LCOR: variants seen among roughly 807,000 people sequenced by gnomAD.
LCOR encodes the protein ligand-dependent corepressor.
In LCOR, 14 loss-of-function variants were observed where a neutral mutation model predicts 64.4. The ratio of observed to expected loss-of-function variants is 0.22; its 90% CI spans 0.14 to 0.34. The LOEUF (loss-of-function observed/expected upper bound fraction) is 0.34. Ranked by LOEUF, LCOR falls within the 10% of genes least tolerant of loss-of-function variation. LCOR has a pLI of 1.00. For synonymous variants in LCOR, 643 were observed against 642.5 expected (o/e 1.00, Z -0.01); for missense variants, 1,686 against 1,765.3 (o/e 0.96, Z 0.80).
intron 7 of LCOR, chr10:96,958,906 T>TAAAAAAAAAAAAAAA (rs74784568): frequency 1.9e-5 from 2 of 103,884 alleles, no homozygotes; most frequent in Non-Finnish European, 4.3e-5. Flanking sequence ...AAGAAAAACT[T>TAAAAAAAAAAAAAAA]AAAAAAAAAA....
chr10:96,955,221 G>C (rs781713059), intron 7 of LCOR: 1 of 1,614,118 alleles, frequency 6.2e-7, no homozygotes. Flanking sequence ...ACCACATTAC[G>C]AGTTCAACCT....
rs144079052 is a variant in LCOR at position 96,956,805 on chromosome 10, T to C, written c.332+4609T>C. The C allele has an allele frequency of 2.5e-5, 25 of 985,824 alleles. No individual in the cohort carries two copies. In the East Asian group the frequency reaches 9.1e-4, roughly 36 times the overall value. 61.1% of individuals were successfully genotyped at this position (985,824 alleles called of 1,614,324 possible). A position where few individuals can be genotyped will look rare whatever the true frequency, so the allele number is the denominator to read the frequency against. ...TGGAGGATGCCTCATTTTAGCAAACTAGGTTTCTTTGTATTCTTCAGTCCT... is the reference window on the plus strand; with the variant it reads ...TGGAGGATGCCTCATTTTAGCAAACCAGGTTTCTTTGTATTCTTCAGTCCT... On this transcript the variant is annotated intron_variant, in intron 7 of 7. Coordinates refer to ENST00000421806, the MANE Select transcript of LCOR (RefSeq NM_001346516.2).
intron 7 of LCOR, chr10:96,955,319 G>A: frequency 2.5e-6 from 4 of 1,613,972 alleles, no homozygotes; most frequent in Non-Finnish European, 3.4e-6. Flanking sequence ...TTCCAAAAAT[G>A]GCACTTCAAG....
At chr10:96,900,866 CTTTT>C (rs139940073) in intron 2 of LCOR, among the ~76,000 whole-genome samples, 3 of 141,338 alleles carry the variant, frequency 2.1e-5, no homozygotes, top group African/African-American at 7.8e-5. Context: ...GCTTCGTAGG[CTTTT>C]TTTTTTTTTT....
At chr10:96,970,957 A>G (rs546718188) in intron 7 of LCOR, among the ~76,000 whole-genome samples, 2 of 152,282 alleles carry the variant, frequency 1.3e-5, no homozygotes, top group African/African-American at 4.8e-5. Context: ...ATCAGAGTAC[A>G]TAGGATTATA....
chr10:96,900,028 T>G (rs1419997611), intron 2 of LCOR, among the ~76,000 whole-genome samples: 6 of 152,166 alleles, frequency 3.9e-5, no homozygotes, highest in Non-Finnish European at 7.4e-5. Flanking sequence ...CATCTAATTT[T>G]AGAATATTTC....
At chr10:96,943,786 G>T (rs1847540098) in intron 4 of LCOR, among the ~76,000 whole-genome samples, 1 of 148,600 alleles carries the variant, frequency 6.7e-6, no homozygotes, top group Non-Finnish European at 1.5e-5. Flanking sequence ...GAATTGAGTT[G>T]CCTGTGAAAA....
chr10:96,888,520 A>G lies in LCOR; in HGVS notation c.-329-18745A>G, dbSNP rs149281511. Among the ~76,000 whole-genome samples, 1,170 of 152,148 alleles carry G rather than the reference A, an allele frequency of 7.7e-3. 6 individuals carry two copies. The highest frequency in any genetic ancestry group is 0.014 in the Non-Finnish European group (926 of 67,996). The stretch of plus-strand genomic sequence containing the variant: ...GATAGGATCAGTAGTGATATTAACA[A>G]ATGTAATTTTTTTTTGGTGTTACAT... On this transcript the variant is annotated intron_variant, in intron 2 of 7. Coordinates refer to ENST00000421806, the MANE Select transcript of LCOR (RefSeq NM_001346516.2).
At chr10:96,843,364 C>CTCAAG (rs1845574542) in intron 2 of LCOR, among the ~76,000 whole-genome samples, 1 of 151,912 alleles carries the variant, frequency 6.6e-6, no homozygotes, top group Non-Finnish European at 1.5e-5. Context: ...ATCCCCTGGC[C>CTCAAG]TCAAGTGGTC....
In LCOR at chr10:96,907,787, T is replaced by G. The variant is rs1274207449; in HGVS notation, c.-184+40T>G. On this transcript the variant is annotated intron_variant, in intron 4 of 7. Coordinates refer to ENST00000421806, the MANE Select transcript of LCOR (RefSeq NM_001346516.2). Reference sequence around the variant, plus strand: ...TGTGAAACTTTTATTTAGTGTAGTATTTTAAAGTTTTCATCTTTTAAAACA... The same window carrying G: ...TGTGAAACTTTTATTTAGTGTAGTAGTTTAAAGTTTTCATCTTTTAAAACA... The G allele has an allele frequency of 4.5e-6, 3 of 669,362 alleles. No homozygotes were observed. The East Asian group carries it at 4.0e-4, about 90-fold the overall frequency. The allele number at this position is 669,362 out of a possible 1,614,324, so 41.5% of individuals were successfully genotyped here. A position where few individuals can be genotyped will look rare whatever the true frequency, so the allele number is the denominator to read the frequency against.
chr10:96,932,362 C>A (rs1342859368), intron 4 of LCOR, among the ~76,000 whole-genome samples: 1 of 152,032 alleles, frequency 6.6e-6, no homozygotes, highest in Non-Finnish European at 1.5e-5. Context: ...AAGGAAAAAA[C>A]TATATAAGAA....
chr10:96,951,164 T>C lies in LCOR; in HGVS notation c.239-939T>C, dbSNP rs1455934321. Reference sequence around the variant, plus strand: ...TTAAAGACATTGTGTATTATCTTGTTCTGTTAATTTTGGACAGAGTGGTAG... The same window carrying C: ...TTAAAGACATTGTGTATTATCTTGTCCTGTTAATTTTGGACAGAGTGGTAG... On this transcript the variant is annotated intron_variant, in intron 6 of 7. Coordinates refer to ENST00000421806, the MANE Select transcript of LCOR (RefSeq NM_001346516.2). 2.0e-5 allele frequency among the ~76,000 whole-genome samples: 3 copies of C among 152,172 alleles called. No homozygotes were observed. The East Asian group carries it at 5.8e-4, about 29-fold the overall frequency.
At chr10:96,855,687 C>G (rs1438262722) in intron 2 of LCOR, among the ~76,000 whole-genome samples, 1 of 152,016 alleles carries the variant, frequency 6.6e-6, no homozygotes, top group African/African-American at 2.4e-5. Context: ...CCACCTGCCT[C>G]GGCCTCCCAA....
rs776243107 is a variant in LCOR at position 96,984,842 on chromosome 10, A to G, written c.4382A>G (p.Lys1461Arg). ...AAAGAGAATAAAGTGAAGATCCCTA[A>G]AAAGTCCGCTGGGAAGAGCTGCCCT... ...SLKENKVKIP[K>R]KSAGKSCPPS... Residue 1461 changes from lysine to arginine, a missense_variant, in exon 8 of 8, where the codon AAA becomes AGA. By Grantham distance (26) the Lys-to-Arg change is conservative. Transcript: ENST00000421806. 1.2e-6 allele frequency: 2 copies of G among 1,614,170 alleles called. No homozygotes were observed. Among genetic ancestry groups the G allele is most frequent in the South Asian group, 1.1e-5 (1 of 91,082 alleles).
intron 7 of LCOR, among the ~76,000 whole-genome samples, chr10:96,967,582 A>G (rs1264194178): frequency 1.3e-5 from 2 of 152,154 alleles, no homozygotes; most frequent in South Asian, 2.1e-4. Flanking sequence ...AGAAAATGTC[A>G]TTTTCTATTA....
chr10:96,993,576 T>C lies in LCOR; in HGVS notation c.*8442T>C, dbSNP rs1306330996. On this transcript the variant is annotated 3_prime_UTR_variant, in exon 8 of 8. Transcript: ENST00000421806. ...ATGTTCTGAGTGATGTTGGTTTGCATTGTAGTATTATAGAATATATTTTGA... is the reference window on the plus strand; with the variant it reads ...ATGTTCTGAGTGATGTTGGTTTGCACTGTAGTATTATAGAATATATTTTGA... 3.3e-5 allele frequency: 5 copies of C among 152,018 alleles called. No individual in the cohort carries two copies. The highest frequency in any genetic ancestry group is 2.1e-4 in the South Asian group (1 of 4,834). The allele number at this position is 152,018 out of a possible 1,614,324, so 9.4% of individuals were successfully genotyped here.
chr10:96,924,814 C>G (rs1847140207), intron 4 of LCOR, among the ~76,000 whole-genome samples: 1 of 152,068 alleles, frequency 6.6e-6, no homozygotes, highest in South Asian at 2.1e-4. Context: ...ATCCTAAGAA[C>G]AAGGATATCT....
chr10:96,877,773 A>G (rs1024526441), intron 2 of LCOR, among the ~76,000 whole-genome samples: 5 of 151,752 alleles, frequency 3.3e-5, no homozygotes, highest in African/African-American at 7.3e-5. Flanking sequence ...CACCATGCCC[A>G]GCTAATTTTT....
rs1431383884 is a variant in LCOR at position 96,981,108 on chromosome 10, A to G, written c.648A>G (p.Leu216=). 3 of 703,298 alleles carry G rather than the reference A, an allele frequency of 4.3e-6. No individual in the cohort carries two copies. The highest frequency in any genetic ancestry group is 2.7e-5 in the East Asian group (1 of 37,300). The allele number at this position is 703,298 out of a possible 1,614,324, so 43.6% of individuals were successfully genotyped here. Residue 216 remains leucine (L), a synonymous_variant, in exon 8 of 8, where the codon CTA becomes CTG. Coordinates refer to ENST00000421806, the MANE Select transcript of LCOR (RefSeq NM_001346516.2). ...ACTCGTCAGACTCTCACAGCCCTCT[A>G]CACTTGACGGAACAGACCCCGAAGA... ...FVDSSDSHSP[L]HLTEQTPKKP... is the part of the protein sequence containing the mutation.
Sources: allele counts gnomAD v4.1 joint callset (sites outside exome capture counted in the v4.1 genomes callset), GRCh38; gene constraint gnomAD v4.1.1; transcripts MANE v1.5; gene names NCBI Gene and HGNC (gene_info 2026-07-23, HGNC 2026-07-21).